CCDC40: variants seen among roughly 807,000 people sequenced by gnomAD.
CCDC40 encodes the protein coiled-coil domain 40 molecular ruler complex subunit.
CCDC40 carries 104 observed loss-of-function variants against 124.5 expected under a neutral mutation model. That is an observed-to-expected ratio of 0.84 (90% CI 0.71 to 0.98). The LOEUF (loss-of-function observed/expected upper bound fraction) is 0.98, where lower values mean the gene tolerates loss of function less well. CCDC40 is among the 50% of genes least tolerant of loss of function. CCDC40 has a pLI of 0.00. For synonymous variants in CCDC40, 580 were observed against 602.9 expected (o/e 0.96, Z 0.56); for missense variants, 1,463 against 1,503.9 (o/e 0.97, Z 0.45).
chr17:80,039,786 A>G, intron 2 of CCDC40, 26 bp from the exon 3 acceptor site: 1 of 1,611,944 alleles, frequency 6.2e-7, no homozygotes, highest in Non-Finnish European at 8.5e-7. Context: ...TTGTTTCCTG[A>G]TTTTTTTCCT....
Position 80,088,241 on chromosome 17 carries a change from T to C in CCDC40, c.2711+139T>C, listed in dbSNP as rs2143755524. The C allele has an allele frequency of 7.0e-6, 5 of 719,266 alleles. No individual in the cohort carries two copies. The South Asian group carries it at 7.5e-5, about 11-fold the overall frequency. 44.6% of individuals were successfully genotyped at this position (719,266 alleles called of 1,614,324 possible). ...GTGCTTTGGTCATTTTTTGTTGTTG[T>C]TTTGTTTTTTGTTTTGTTTTGTTTT... is the stretch of plus-strand genomic sequence containing the variant. On this transcript the variant is annotated intron_variant, in intron 16 of 19. Transcript: ENST00000397545.
At chr17:80,090,252 AC>A in intron 17 of CCDC40, 1 of 848,306 alleles carries the variant, frequency 1.2e-6, no homozygotes, top group Non-Finnish European at 1.7e-6. Flanking sequence ...CACGAACAAC[AC>A]GGGACGCGCG....
chr17:80,097,357 A>T lies in CCDC40; in HGVS notation c.3134A>T (p.Asp1045Val), dbSNP rs781558299. 2 of 1,613,960 alleles carry T rather than the reference A, an allele frequency of 1.2e-6. No individual in the cohort carries two copies. The highest frequency in any genetic ancestry group is 2.2e-5 in the South Asian group (2 of 91,084). Reference sequence around the variant, plus strand: ...CTGTCGGTGATTCAGGCAGACTTCGACACACTCGAGGCCGACCTCACCCGG... The same window carrying T: ...CTGTCGGTGATTCAGGCAGACTTCGTCACACTCGAGGCCGACCTCACCCGG... ...EKLSVIQADF[D>V]TLEADLTRLG... The change falls in exon 19 of 20, where the codon GAC (aspartate) becomes GTC (valine). Residue 1045 changes from aspartate (D) to valine (V), a missense_variant. Asp to Val is a radical substitution (Grantham distance 152). Coordinates refer to ENST00000397545, the MANE Select transcript of CCDC40 (RefSeq NM_017950.4).
At chr17:80,059,019 C>T (rs766188195) in intron 9 of CCDC40, 39 bp downstream of exon 9, 2 of 1,613,746 alleles carry the variant, frequency 1.2e-6, no homozygotes, top group South Asian at 2.2e-5. Context: ...TTCGACCCTC[C>T]AGTGAGTGTC....
At position 80,058,589 on chromosome 17, in the gene CCDC40, A is replaced by G; in HGVS notation, c.1255A>G (p.Thr419Ala). The G allele has an allele frequency of 6.2e-7, 1 of 1,614,218 alleles. No homozygotes were observed. Among genetic ancestry groups the G allele is most frequent in the Non-Finnish European group, 8.5e-7 (1 of 1,180,030 alleles). The stretch of plus-strand genomic sequence containing the variant: ...CATGCGTGACGACATCCGCGTGATG[A>G]CACAAGTGGTAAAGAAGGCCGAGAC... Reference protein sequence around the residue: ...QDMRDDIRVMTQVVKKAETER... With the variant: ...QDMRDDIRVMAQVVKKAETER... The change falls in exon 8 of 20, where the codon ACA (threonine) becomes GCA (alanine). Residue 419 changes from threonine to alanine, a missense_variant. Thr to Ala is a moderately conservative substitution (Grantham distance 58). Transcript: ENST00000397545. The surrounding 1 kb of genome is among the most constrained non-coding windows in gnomAD (Gnocchi z 4.2).
At chr17:80,045,601 G>A (rs2037400858) in intron 3 of CCDC40, among the ~76,000 whole-genome samples, 2 of 152,108 alleles carry the variant, frequency 1.3e-5, no homozygotes, top group African/African-American at 4.8e-5. Flanking sequence ...CTACTCAGGA[G>A]GCTGAGGCAA....
intron 10 of CCDC40, chr17:80,067,350 A>G (rs2038071938): frequency 5.1e-6 from 3 of 591,032 alleles, no homozygotes; most frequent in Non-Finnish European, 9.1e-6. Flanking sequence ...TCCCAAGACA[A>G]GCAAAGGCAC....
rs114903930 is a variant in CCDC40, at chr17:80,067,991, A to G, written c.1562+2385A>G. On this transcript the variant is annotated intron_variant, in intron 10 of 19. Coordinates refer to ENST00000397545, the MANE Select transcript of CCDC40 (RefSeq NM_017950.4). ...CCTCTGACTTCACCTGCAGCTTGCC[A>G]CACCAAGGCCCCGGGGAGGAGTGAG... 3.2e-3 allele frequency: 3,457 copies of G among 1,077,622 alleles called. 90 individuals carry two copies. In the African/African-American group the frequency reaches 0.054, roughly 17 times the overall value. 66.8% of individuals were successfully genotyped at this position (1,077,622 alleles called of 1,614,324 possible).
At chr17:80,036,712 G>T in intron 1 of CCDC40, 21 bp downstream of exon 1, 1 of 1,464,426 alleles carries the variant, frequency 6.8e-7, no homozygotes, top group Non-Finnish European at 9.0e-7. Context: ...CCGAGGGGCA[G>T]CGGGTCTTGG....
chr17:80,039,679 CATG>C, intron 2 of CCDC40, 130 bp from the exon 3 acceptor site: 1 of 1,192,582 alleles, frequency 8.4e-7, no homozygotes, highest in Admixed American at 2.4e-5. Context: ...CAAAGTGAAA[CATG>C]ATCTCTTAGT....
chr17:80,070,867 A>G (rs6420485), intron 10 of CCDC40, among the ~76,000 whole-genome samples: 147,951 of 152,312 alleles, frequency 0.97, 71,906 homozygotes, highest in Middle Eastern at 1. Context: ...TCTTCCCACC[A>G]GGGAATGACC....
At chr17:80,070,647 C>A (rs2038164665) in intron 10 of CCDC40, among the ~76,000 whole-genome samples, 1 of 151,916 alleles carries the variant, frequency 6.6e-6, no homozygotes, top group African/African-American at 2.4e-5. Context: ...CACCTGTAGA[C>A]CTGTAGTCCC....
chr17:80,086,701 C>T lies in CCDC40; in HGVS notation c.2449+485C>T. 1 of 222,038 alleles carries T rather than the reference C, an allele frequency of 4.5e-6. No individual in the cohort carries two copies. Among genetic ancestry groups the T allele is most frequent in the Non-Finnish European group, 9.1e-6 (1 of 109,684 alleles). 13.8% of individuals were successfully genotyped at this position (222,038 alleles called of 1,614,324 possible). A position where few individuals can be genotyped will look rare whatever the true frequency, so the allele number is the denominator to read the frequency against. On this transcript the variant is annotated intron_variant, in intron 14 of 19. Coordinates refer to ENST00000397545, the MANE Select transcript of CCDC40 (RefSeq NM_017950.4). The surrounding 1 kb of genome is among the most constrained non-coding windows in gnomAD (Gnocchi z 5.5). The stretch of plus-strand genomic sequence containing the variant: ...GGAATGATGGAGGCGGGCATCCTTC[C>T]TGGACCACTCTCCACCCACATGTCC...
intron 17 of CCDC40, chr17:80,090,294 C>A: frequency 1.5e-6 from 2 of 1,312,994 alleles, no homozygotes; most frequent in East Asian, 3.0e-5. Flanking sequence ...ACGGGACGCG[C>A]GCAGGCACGT....
Position 80,048,607 on chromosome 17 carries a change from C to G in CCDC40, c.701C>G (p.Ala234Gly), listed in dbSNP as rs930148592. 6.2e-7 allele frequency: 1 copy of G among 1,613,548 alleles called. No homozygotes were observed. The highest frequency in any genetic ancestry group is 1.3e-5 in the African/African-American group (1 of 74,904). ...EPVIPPGVPD[A>G]HPREGDLPVF... The stretch of plus-strand genomic sequence containing the variant: ...GTGATCCCCCCAGGGGTGCCCGATG[C>G]CCACCCCAGGGAAGGAGACCTGCCA... Residue 234 changes from alanine to glycine, a missense_variant, in exon 5 of 20, where the codon GCC becomes GGC. Ala to Gly is a moderately conservative substitution (Grantham distance 60). Transcript: ENST00000397545.
chr17:80,041,866 T>A (rs2037291395), intron 3 of CCDC40, among the ~76,000 whole-genome samples: 1 of 152,164 alleles, frequency 6.6e-6, no homozygotes. Context: ...CCACCATTCC[T>A]GATGATGTTC....
At chr17:80,074,440 G>A (rs941626868) in intron 10 of CCDC40, among the ~76,000 whole-genome samples, 2 of 152,172 alleles carry the variant, frequency 1.3e-5, no homozygotes, top group East Asian at 1.9e-4. Context: ...AGCCGAGATC[G>A]CGCCACTGCA....
At chr17:80,098,399 G>A (rs2038849512) in intron 19 of CCDC40, among the ~76,000 whole-genome samples, 1 of 152,292 alleles carries the variant, frequency 6.6e-6, no homozygotes. Context: ...GCATGTGGAT[G>A]AAGCATGGAT....
intron 7 of CCDC40, among the ~76,000 whole-genome samples, chr17:80,056,014 A>ATTTTTTTTTTT (rs1173801732): frequency 2.8e-3 from 37 of 13,442 alleles, no homozygotes; most frequent in East Asian, 9.2e-3. Context: ...ATATATATAT[A>ATTTTTTTTTTT]TATTTTTTTT....
Sources: allele counts gnomAD v4.1 joint callset (sites outside exome capture counted in the v4.1 genomes callset), GRCh38; gene constraint gnomAD v4.1.1; non-coding constraint Gnocchi (gnomAD v3.1); transcripts MANE v1.5; gene names NCBI Gene and HGNC (gene_info 2026-07-23, HGNC 2026-07-21).